The following FRMD3 variants were observed in gnomAD, a reference collection of about 807,000 sequenced individuals.
FRMD3 encodes the protein FERM domain containing 3.
FRMD3 carries 33 observed loss-of-function variants against 70.2 expected under a neutral mutation model. The ratio of observed to expected loss-of-function variants is 0.47; its 90% confidence interval spans 0.36 to 0.63. The LOEUF (loss-of-function observed/expected upper bound fraction) is 0.63. Among genes scored for constraint, FRMD3 ranks in the 20% least tolerant of loss-of-function variants. The pLI, the probability that FRMD3 is intolerant of heterozygous loss-of-function variation, is 0.00. For missense variants in FRMD3, 632 were observed against 711.4 expected, an observed-to-expected ratio of 0.89 and a Z score of 1.27; for synonymous variants, 279 against 255.9, an observed-to-expected ratio of 1.09 and a Z score of -0.86.
At chr9:83,316,494 C>T (rs933957623) in intron 6 of FRMD3, among the ~76,000 whole-genome samples, 8 of 152,104 alleles carry the variant, frequency 5.3e-5, no homozygotes, top group African/African-American at 2.4e-5. Flanking sequence ...TTTTTAAAGC[C>T]ATCTACAGAA....
At chr9:83,510,541 T>A (rs1369259563) in intron 1 of FRMD3, among the ~76,000 whole-genome samples, 1 of 152,166 alleles carries the variant, frequency 6.6e-6, no homozygotes, top group Non-Finnish European at 1.5e-5. Flanking sequence ...TGAAAGCATA[T>A]GTCCACACAA....
At position 83,429,087 on chromosome 9, in the gene FRMD3, G is replaced by T. The variant is rs1826895478; in HGVS notation, c.148-39379C>A. ...GTAGGCTAAATTTATTTGTGCTGAG[G>T]TTCTATAATTCATGAGAATTAACGT... On this transcript the variant is annotated intron_variant, in intron 1 of 13. Coordinates refer to ENST00000304195, the MANE Select transcript of FRMD3 (RefSeq NM_174938.6). 1.3e-5 allele frequency among the ~76,000 whole-genome samples: 2 copies of T among 152,172 alleles called. 1 individual carries two copies. The highest frequency in any genetic ancestry group is 4.1e-4 in the South Asian group (2 of 4,830).
At chr9:83,272,882 A>C (rs1283095206) in intron 13 of FRMD3, among the ~76,000 whole-genome samples, 1 of 143,608 alleles carries the variant, frequency 7.0e-6, no homozygotes, top group East Asian at 2.2e-4. Flanking sequence ...CCGTCCGAGA[A>C]GTGAGGAGCC....
intron 5 of FRMD3, among the ~76,000 whole-genome samples, chr9:83,337,147 A>G (rs1256578229): frequency 1.3e-5 from 2 of 152,120 alleles, no homozygotes; most frequent in Non-Finnish European, 2.9e-5. Flanking sequence ...CACAGCCCCT[A>G]TAATAACCTG....
At chr9:83,435,025 C>T (rs756088540) in intron 1 of FRMD3, among the ~76,000 whole-genome samples, 2 of 151,962 alleles carry the variant, frequency 1.3e-5, no homozygotes, top group African/African-American at 4.8e-5. Flanking sequence ...GATGGGGTTT[C>T]ACCATGTTGG....
chr9:83,419,144 G>C (rs925208048), intron 1 of FRMD3, among the ~76,000 whole-genome samples: 1 of 152,086 alleles, frequency 6.6e-6, no homozygotes, highest in Non-Finnish European at 1.5e-5. Flanking sequence ...AAGGGGAAGG[G>C]TAGGAGGGGG....
At chr9:83,585,138 T>C in the FRMD3 span, among the ~76,000 whole-genome samples, 1 of 152,088 alleles carries the variant, frequency 6.6e-6, no homozygotes, top group East Asian at 1.9e-4. Flanking sequence ...GGCAGCAGCC[T>C]GGAAGACACA....
chr9:83,273,133 A>G (rs1833665869), intron 13 of FRMD3, among the ~76,000 whole-genome samples: 1 of 152,182 alleles, frequency 6.6e-6, no homozygotes. Context: ...TGGGAGGTGT[A>G]CCCAACAGCT....
At chr9:83,499,426 T>C (rs1169039343) in intron 1 of FRMD3, among the ~76,000 whole-genome samples, 2 of 152,040 alleles carry the variant, frequency 1.3e-5, no homozygotes. Context: ...TGAGTAAAAA[T>C]GATGATGAAA....
chr9:83,397,974 C>T (rs954563632), intron 1 of FRMD3, among the ~76,000 whole-genome samples: 3 of 152,136 alleles, frequency 2.0e-5, no homozygotes, highest in African/African-American at 7.2e-5. Context: ...ATTCATTTAC[C>T]TTCATAGGCA....
At chr9:83,574,723 A>C in the FRMD3 span, among the ~76,000 whole-genome samples, 1 of 152,244 alleles carries the variant, frequency 6.6e-6, no homozygotes, top group East Asian at 1.9e-4. Flanking sequence ...TCTGTACCTA[A>C]GGCTCTATTT....
At position 83,342,664 on chromosome 9, in the gene FRMD3, A is replaced by AGGAT. The variant is rs569823827; in HGVS notation, c.472+522_472+525dup. On this transcript the variant is annotated intron_variant, in intron 5 of 13. Coordinates refer to ENST00000304195, the MANE Select transcript of FRMD3 (RefSeq NM_174938.6). ...TATACACATACACACACGAATAGAT[A>AGGAT]GGATGGATGGATGGATGGATGGATA... Among the ~76,000 whole-genome samples the AGGAT allele has an allele frequency of 1.4e-3, 213 of 151,322 alleles. 1 individual carries two copies. The highest frequency in any genetic ancestry group is 4.1e-3 in the African/African-American group (169 of 41,180).
At chr9:83,568,947 G>T in the FRMD3 span, among the ~76,000 whole-genome samples, 1 of 103,108 alleles carries the variant, frequency 9.7e-6, no homozygotes, top group East Asian at 2.3e-4. Context: ...TAGATAGATA[G>T]ATAGATAGAT....
At chr9:83,553,437 A>T in the FRMD3 span, among the ~76,000 whole-genome samples, 1 of 152,166 alleles carries the variant, frequency 6.6e-6, no homozygotes, top group Non-Finnish European at 1.5e-5. Flanking sequence ...GGAAAATCTG[A>T]AGATTATGTG....
the FRMD3 span, among the ~76,000 whole-genome samples, chr9:83,572,436 G>A: frequency 6.6e-6 from 1 of 152,276 alleles, no homozygotes; most frequent in East Asian, 1.9e-4. Context: ...AGGTAGATGA[G>A]AGGTGGCACC....
intron 6 of FRMD3, among the ~76,000 whole-genome samples, chr9:83,326,122 T>G (rs895519832): frequency 5.9e-5 from 9 of 152,216 alleles, no homozygotes; most frequent in African/African-American, 2.2e-4. Flanking sequence ...GGAAGCCATG[T>G]CTATTTGATT....
the FRMD3 span, among the ~76,000 whole-genome samples, chr9:83,554,110 AG>A: frequency 1.3e-5 from 2 of 152,148 alleles, no homozygotes; most frequent in Non-Finnish European, 2.9e-5. Context: ...CTAGTTTCAT[AG>A]GGGGGTATAT....
At position 83,383,419 on chromosome 9, in the gene FRMD3, T is replaced by C. The variant is rs1200743953; in HGVS notation, c.252+6185A>G. Among the ~76,000 whole-genome samples, 4 of 152,366 alleles carry C rather than the reference T, an allele frequency of 2.6e-5. No homozygotes were observed. The East Asian group carries it at 7.7e-4, about 29-fold the overall frequency. On this transcript the variant is annotated intron_variant, in intron 2 of 13. Transcript: ENST00000304195. ...GTAACAGACAACTACTACTGAACCT[T>C]GAAGGAAATAAAATAGTCATTTTCT...
chr9:83,389,556 G>A (rs773347064), intron 2 of FRMD3, 48 bp downstream of exon 2: 63 of 1,253,570 alleles, frequency 5.0e-5, no homozygotes, highest in Admixed American at 6.7e-5. Flanking sequence ...GTGCACCACA[G>A]TCTGGGTCAC....
Sources: allele counts gnomAD v4.1 joint callset (sites outside exome capture counted in the v4.1 genomes callset), GRCh38; gene constraint gnomAD v4.1.1; transcripts MANE v1.5; gene names NCBI Gene and HGNC (gene_info 2026-07-23, HGNC 2026-07-21).